Variants in AP3B1 observed in about 807,000 individuals in gnomAD.
AP3B1 encodes the protein adaptor related protein complex 3 subunit beta 1.
Under a neutral mutation model 132.5 loss-of-function variants are expected in AP3B1, and 61 were observed. The ratio of observed to expected loss-of-function variants is 0.46; its 90% confidence interval spans 0.37 to 0.57. The LOEUF is 0.57. Among genes scored for constraint, AP3B1 ranks in the 20% least tolerant of loss-of-function variants. AP3B1 has a pLI of 0.00. For synonymous variants in AP3B1, 388 were observed against 438.3 expected, an observed-to-expected ratio of 0.89 and a Z score of 1.43; for missense variants, 1,120 against 1,289.4, an observed-to-expected ratio of 0.87 and a Z score of 2.01.
At chr5:78,047,561 C>T (rs1487416509) in intron 22 of AP3B1, among the ~76,000 whole-genome samples, 1 of 151,924 alleles carries the variant, frequency 6.6e-6, no homozygotes, top group Non-Finnish European at 1.5e-5. Flanking sequence ...GATTTTTTTT[C>T]TTGCAAATTT....
chr5:78,081,300 ATTTTTT>A (rs560113962), intron 22 of AP3B1, among the ~76,000 whole-genome samples: 45 of 100,870 alleles, frequency 4.5e-4, no homozygotes, highest in African/African-American at 1.6e-3. Context: ...GCATTACTTC[ATTTTTT>A]TTTTTTTTTT....
intron 22 of AP3B1, among the ~76,000 whole-genome samples, chr5:78,040,841 T>C (rs148951370): frequency 1.4e-3 from 214 of 152,298 alleles, no homozygotes; most frequent in East Asian, 6.9e-3. Context: ...GTAGCAATTA[T>C]AGTAATGATT....
At chr5:78,181,794 T>A in intron 7 of AP3B1, 132 bp from the exon 8 acceptor site, 1 of 731,232 alleles carries the variant, frequency 1.4e-6, no homozygotes, top group Non-Finnish European at 2.2e-6. Context: ...TTGGGCAATT[T>A]AAAAATATTA....
chr5:78,077,415 G>A (rs1393597986), intron 22 of AP3B1, among the ~76,000 whole-genome samples: 2 of 152,124 alleles, frequency 1.3e-5, no homozygotes, highest in East Asian at 3.9e-4. Flanking sequence ...TAGACTGGGT[G>A]CCTCCAACCT....
intron 26 of AP3B1, among the ~76,000 whole-genome samples, chr5:78,011,087 A>G (rs540350500): frequency 1.5e-5 from 2 of 135,008 alleles, no homozygotes; most frequent in East Asian, 4.5e-4. Flanking sequence ...TCTGTTGCCC[A>G]GGATGGAGTG....
At chr5:78,083,925 G>C (rs2112188361) in intron 22 of AP3B1, among the ~76,000 whole-genome samples, 1 of 151,728 alleles carries the variant, frequency 6.6e-6, no homozygotes, top group Admixed American at 6.6e-5. Context: ...ATATACATAA[G>C]GAAAACAAAT....
chr5:78,181,485 T>C (rs1308405932), intron 8 of AP3B1, 22 bp downstream of exon 8: 3 of 1,607,782 alleles, frequency 1.9e-6, no homozygotes, highest in African/African-American at 1.3e-5. Context: ...GTGAATTATT[T>C]CTTATAAGGA....
chr5:78,271,928 T>A (rs915720430), intron 1 of AP3B1, among the ~76,000 whole-genome samples: 2 of 152,232 alleles, frequency 1.3e-5, no homozygotes, highest in African/African-American at 4.8e-5. Flanking sequence ...AAAATCTGCA[T>A]CTGTAAAGGA....
intron 22 of AP3B1, among the ~76,000 whole-genome samples, chr5:78,045,751 A>G (rs1748303339): frequency 6.6e-6 from 1 of 152,220 alleles, no homozygotes; most frequent in African/African-American, 2.4e-5. Context: ...CAATGATTTT[A>G]TTAGATGCAA....
chr5:78,124,592 C>G (rs1434065974), intron 17 of AP3B1, among the ~76,000 whole-genome samples: 1 of 151,858 alleles, frequency 6.6e-6, no homozygotes, highest in Non-Finnish European at 1.5e-5. Flanking sequence ...TAAATAAAAG[C>G]AAATAAAAAT....
chr5:78,248,484 C>G (rs1434399978), intron 2 of AP3B1, among the ~76,000 whole-genome samples: 1 of 101,218 alleles, frequency 9.9e-6, no homozygotes, highest in South Asian at 3.7e-4. Context: ...CAGAGCGAGA[C>G]TCTGTCTCAA....
intron 2 of AP3B1, among the ~76,000 whole-genome samples, chr5:78,247,290 AGAT>A (rs984023331): frequency 2.0e-5 from 3 of 148,208 alleles, no homozygotes; most frequent in Admixed American, 6.7e-5. Flanking sequence ...TAGATAATAT[AGAT>A]AATAATATAG....
intron 22 of AP3B1, among the ~76,000 whole-genome samples, chr5:78,086,852 T>C (rs886480061): frequency 3.3e-5 from 5 of 152,226 alleles, no homozygotes; most frequent in African/African-American, 9.6e-5. Context: ...AAGTTTTTTT[T>C]TTCTTTGGCA....
chr5:78,197,595 G>A (rs1359922502), intron 7 of AP3B1, among the ~76,000 whole-genome samples: 3 of 152,076 alleles, frequency 2.0e-5, no homozygotes, highest in Admixed American at 6.5e-5. Flanking sequence ...TGGGTGCTGA[G>A]GGTAATATTT....
intron 21 of AP3B1, among the ~76,000 whole-genome samples, chr5:78,094,104 G>A (rs138590981): frequency 1.5e-3 from 223 of 152,240 alleles, no homozygotes; most frequent in African/African-American, 4.9e-3. Context: ...AATGACATAG[G>A]TTTACATTTC....
chr5:78,123,040 C>A (rs1049982912), intron 17 of AP3B1, among the ~76,000 whole-genome samples: 30 of 152,234 alleles, frequency 2.0e-4, no homozygotes, highest in African/African-American at 6.3e-4. Flanking sequence ...AGAAATAATG[C>A]CGCATATCTA....
intron 22 of AP3B1, among the ~76,000 whole-genome samples, chr5:78,039,790 AAAGAAAAGAAAAG>A (rs1319563048): frequency 3.6e-4 from 52 of 146,194 alleles, no homozygotes; most frequent in African/African-American, 1.2e-3. Context: ...AAAAAAAAAA[AAAGAAAAGAAAAG>A]AAAAAAAAAA....
At position 78,089,396 on chromosome 5, in the gene AP3B1, G is replaced by A; in HGVS notation, c.2574C>T (p.Ile858=). Residue 858 remains isoleucine (I), a synonymous_variant, in exon 22 of 27, where the codon ATC becomes ATT. Transcript: ENST00000255194. ...GTGGATTTTAAAAATAACTTACACT[G>A]ATGACTGAAGAGGAAGTTGACAAGT... The part of the protein sequence containing the change: ...GLHLSTSSSV[I]SVSTPAFVPT... The A allele has an allele frequency of 6.2e-7, 1 of 1,603,092 alleles. No homozygotes were observed. The highest frequency in any genetic ancestry group is 8.5e-7 in the Non-Finnish European group (1 of 1,170,204).
chr5:78,139,205 T>C (rs2112322809), intron 15 of AP3B1, among the ~76,000 whole-genome samples: 1 of 152,288 alleles, frequency 6.6e-6, no homozygotes, highest in Non-Finnish European at 1.5e-5. Context: ...GATTAAGTCT[T>C]GATTGACATT....
Sources: gnomAD v4.1 joint callset for allele counts (sites outside exome capture counted in the v4.1 genomes callset) on GRCh38, gnomAD v4.1.1 for gene constraint, MANE v1.5 for transcripts, NCBI Gene and HGNC (gene_info 2026-07-23, HGNC 2026-07-21) for gene names.